The following COL4A5 variants were observed in gnomAD, a reference collection of about 807,000 sequenced individuals.
COL4A5 encodes the protein collagen type IV alpha 5 chain, also known as collagen alpha-5(IV) chain.
Under a neutral mutation model 130.2 loss-of-function variants are expected in COL4A5, and 26 were observed. The observed-to-expected ratio is 0.20, with a 90% CI of 0.15 to 0.28. COL4A5 has a LOEUF of 0.28. Ranked by LOEUF, COL4A5 falls within the 10% of genes least tolerant of loss-of-function variation. The probability of loss-of-function intolerance (pLI) is 1.00; values close to 1 mark genes in which losing one functional copy is unlikely to be tolerated. For missense variants in COL4A5, 1,131 were observed against 1,344.3 expected (o/e 0.84, Z 2.48); for synonymous variants, 496 against 439.6 (o/e 1.13, Z -1.60).
chrX:108,443,081 C>T (rs1411706100), intron 1 of COL4A5: 1 of 111,305 alleles, frequency 9.0e-6, no homozygotes, highest in Non-Finnish European at 1.9e-5. Flanking sequence ...GTATTTGGAT[C>T]TCTGCCACTT....
At chrX:108,491,711 G>A (rs887978085) in intron 1 of COL4A5, among the ~76,000 whole-genome samples, 6 of 111,542 alleles carry the variant, frequency 5.4e-5, no homozygotes, top group South Asian at 3.8e-4. Flanking sequence ...ACATTTCACT[G>A]TACTAGTCCA....
intron 36 of COL4A5, among the ~76,000 whole-genome samples, chrX:108,646,115 T>A (rs1312667807): frequency 5.3e-4 from 59 of 110,413 alleles, no homozygotes; most frequent in Non-Finnish European, 7.2e-4. Flanking sequence ...TGGCTGGGTC[T>A]AATGGTATTT....
In COL4A5 at chrX:108,575,912, C is replaced by A. The variant is rs1362028663; in HGVS notation, c.549C>A (p.Gly183=). The A allele has an allele frequency of 1.7e-6, 2 of 1,168,220 alleles. No homozygotes were observed. The highest frequency in any genetic ancestry group is 2.3e-6 in the Non-Finnish European group (2 of 858,939). ...TTTCTTTACTCACTTTATAACAGGG[C>A]CTACCTGGTCCCACTGGTATACCAG... The part of the protein sequence containing the change: ...PGYPGPPGIQ[G]LPGPTGIPGP... Residue 183 remains glycine, a splice_region_variant and synonymous_variant, in exon 10 of 53, where the codon GGC becomes GGA. Coordinates refer to ENST00000328300, the MANE Select transcript of COL4A5 (RefSeq NM_033380.3).
chrX:108,690,076 A>G (rs1453999006), intron 49 of COL4A5: 2 of 702,506 alleles, frequency 2.8e-6, no homozygotes, highest in Non-Finnish European at 3.4e-6. Context: ...GTTTTTTTAA[A>G]TTACTTTATA....
intron 1 of COL4A5, among the ~76,000 whole-genome samples, chrX:108,537,156 A>ACTGGGGCTATCT (rs2065468408): frequency 6.3e-5 from 7 of 110,948 alleles, no homozygotes; most frequent in Non-Finnish European, 1.1e-4. Flanking sequence ...TGTTCCATTA[A>ACTGGGGCTATCT]CCAGATGTCA....
chrX:108,563,224 T>C (rs2065921413), intron 3 of COL4A5, among the ~76,000 whole-genome samples: 1 of 111,628 alleles, frequency 9.0e-6, no homozygotes, highest in Non-Finnish European at 1.9e-5. Context: ...ATTCTATTTT[T>C]TTAAAGAAAA....
At chrX:108,611,889 TA>T (rs760176136) in intron 29 of COL4A5, among the ~76,000 whole-genome samples, 104 of 110,968 alleles carry the variant, frequency 9.4e-4, no homozygotes, top group African/African-American at 2.9e-3. Flanking sequence ...AACATAGACA[TA>T]AAAATCCTCA....
chrX:108,685,458 T>C (rs1395147229), intron 47 of COL4A5, among the ~76,000 whole-genome samples: 1 of 112,468 alleles, frequency 8.9e-6, no homozygotes, highest in Non-Finnish European at 1.9e-5. Context: ...AACTAATTAA[T>C]GTTAGAAAAA....
At chrX:108,677,914 C>T (rs2068339336) in intron 44 of COL4A5, among the ~76,000 whole-genome samples, 1 of 111,615 alleles carries the variant, frequency 9.0e-6, no homozygotes, top group Admixed American at 9.6e-5. Context: ...CAAATTTATG[C>T]AAAGGAGACA....
chrX:108,597,557 A>G lies in COL4A5; in HGVS notation c.1768A>G (p.Lys590Glu), dbSNP rs368137679. 54 of 1,206,972 alleles carry G rather than the reference A, an allele frequency of 4.5e-5. No individual in the cohort carries two copies. The highest frequency in any genetic ancestry group is 1.1e-4 in the African/African-American group (6 of 56,748). The stretch of plus-strand genomic sequence containing the variant: ...TGGATTGCCAGGGCTTCCTGGCCCG[A>G]AAGGAGAGCCTGTGAGTTGGTTTGA... ...QDGLPGLPGP[K>E]GEPGGITFKG... Residue 590 changes from lysine to glutamate, a missense_variant, in exon 24 of 53, where the codon AAA (lysine) becomes GAA (glutamate). Transcript: ENST00000328300.
chrX:108,578,240 T>A, intron 12 of COL4A5, 51 bp from the exon 13 acceptor site: 1 of 1,124,265 alleles, frequency 8.9e-7, no homozygotes, highest in African/African-American at 1.8e-5. Context: ...TATATTACTG[T>A]CTGTGGAGAT....
chrX:108,575,348 AT>A (rs1224155139), intron 9 of COL4A5, among the ~76,000 whole-genome samples: 1 of 111,927 alleles, frequency 8.9e-6, no homozygotes, highest in Non-Finnish European at 1.9e-5. Context: ...GCATACCTTT[AT>A]CACTTTGTTT....
intron 2 of COL4A5, among the ~76,000 whole-genome samples, chrX:108,557,120 C>T (rs775024290): frequency 2.3e-4 from 25 of 110,988 alleles, no homozygotes; most frequent in Non-Finnish European, 4.5e-4. Context: ...CCAGTTTTGG[C>T]AGAGATATGC....
chrX:108,462,453 C>T (rs900398375), intron 1 of COL4A5: 1 of 111,873 alleles, frequency 8.9e-6, no homozygotes, highest in Non-Finnish European at 1.9e-5. Context: ...CACTCTATCA[C>T]CCAGGCTGGA....
intron 1 of COL4A5, among the ~76,000 whole-genome samples, chrX:108,457,721 T>C (rs1022366025): frequency 1.8e-5 from 2 of 111,895 alleles, no homozygotes; most frequent in Non-Finnish European, 3.8e-5. Flanking sequence ...CTCATATTGC[T>C]ATGTAATTAA....
At chrX:108,558,219 T>C (rs767281107) in intron 2 of COL4A5, among the ~76,000 whole-genome samples, 2 of 109,419 alleles carry the variant, frequency 1.8e-5, no homozygotes, top group African/African-American at 6.6e-5. Context: ...GCCTTCGGGG[T>C]TCTTAAACTT....
At chrX:108,643,533 A>G (rs1027737642) in intron 36 of COL4A5, among the ~76,000 whole-genome samples, 2 of 111,853 alleles carry the variant, frequency 1.8e-5, no homozygotes, top group Admixed American at 9.5e-5. Flanking sequence ...GAAACCCTAC[A>G]AGCTTGAAGG....
chrX:108,628,032 T>C (rs1188758826), intron 36 of COL4A5, among the ~76,000 whole-genome samples: 2 of 111,049 alleles, frequency 1.8e-5, no homozygotes, highest in African/African-American at 6.5e-5. Context: ...AATTATACTA[T>C]ACATCTGCTC....
chrX:108,520,612 C>T lies in COL4A5; in HGVS notation c.82-19134C>T, dbSNP rs767780997. ...TGAAGTGGCCTTGTTTCAGCTTTTG[C>T]AACACTTGTGCCTCAAAATCTACTT... On this transcript the variant is annotated intron_variant, in intron 1 of 52. Transcript: ENST00000328300. Among the ~76,000 whole-genome samples the T allele has an allele frequency of 2.7e-5, 3 of 111,704 alleles. No homozygotes were observed. In the South Asian group the frequency reaches 1.1e-3, roughly 41 times the overall value.
Sources: gnomAD v4.1 joint callset for allele counts (sites outside exome capture counted in the v4.1 genomes callset) on GRCh38, gnomAD v4.1.1 for gene constraint, MANE v1.5 for transcripts, NCBI Gene and HGNC (gene_info 2026-07-23, HGNC 2026-07-21) for gene names.